The following CTNNA2 variants were observed in gnomAD, a reference collection of about 807,000 sequenced individuals.
CTNNA2 encodes the protein catenin alpha 2.
A neutral mutation model predicts 101.0 loss-of-function variants in CTNNA2; 42 were observed. The observed-to-expected ratio is 0.42, with a 90% confidence interval of 0.32 to 0.54. CTNNA2 has a LOEUF of 0.54. Among genes scored for constraint, CTNNA2 ranks in the 20% least tolerant of loss-of-function variants. The pLI is 0.14. For missense variants in CTNNA2, 871 were observed against 1,223.1 expected (o/e 0.71, Z 4.29); for synonymous variants, 450 against 456.4 (o/e 0.99, Z 0.18).
chr2:79,766,435 A>G (rs1673161929), intron 3 of CTNNA2, among the ~76,000 whole-genome samples: 1 of 151,624 alleles, frequency 6.6e-6, no homozygotes, highest in East Asian at 1.9e-4. Flanking sequence ...TGTTTCTTTT[A>G]TTTTTCTGCT....
At chr2:80,141,447 G>A (rs1197996452) in intron 7 of CTNNA2, among the ~76,000 whole-genome samples, 1 of 152,062 alleles carries the variant, frequency 6.6e-6, no homozygotes, top group Non-Finnish European at 1.5e-5. Context: ...GGGGCATATT[G>A]TGAGGGAGGG....
chr2:80,343,153 A>ACATT (rs1240379463), intron 7 of CTNNA2, among the ~76,000 whole-genome samples: 2 of 152,200 alleles, frequency 1.3e-5, no homozygotes, highest in African/African-American at 4.8e-5. Context: ...AAATGTAGTC[A>ACATT]CATTCACAGG....
intron 1 of CTNNA2, among the ~76,000 whole-genome samples, chr2:79,532,599 T>C (rs149176123): frequency 0.014 from 2,076 of 152,248 alleles, 20 homozygotes; most frequent in Middle Eastern, 0.044. Flanking sequence ...AATCTCTTTG[T>C]TTTTCTCGCT....
intron 2 of CTNNA2, among the ~76,000 whole-genome samples, chr2:79,280,685 A>AGAGAGAGAG (rs1553390858): frequency 0.058 from 5,097 of 88,126 alleles, 367 homozygotes; most frequent in East Asian, 0.13. Flanking sequence ...GAGAGAGAGA[A>AGAGAGAGAG]AGAGAGAGAG....
rs78462979 is a variant in CTNNA2 at position 80,516,670 on chromosome 2, C to A, written c.1291-28312C>A. ...CATCTTAATGCAGAGTTAGTTTATA[C>A]CCTGAGAAAACAGGATTAACCATTC... is the stretch of plus-strand genomic sequence containing the variant. On this transcript the variant is annotated intron_variant, in intron 9 of 18. Coordinates refer to ENST00000402739, the MANE Select transcript of CTNNA2 (RefSeq NM_001282597.3). 4.5e-3 allele frequency among the ~76,000 whole-genome samples: 678 copies of A among 152,276 alleles called. 5 individuals are homozygous for A. Among genetic ancestry groups the A allele is most frequent in the African/African-American group, 0.014 (590 of 41,560 alleles).
intron 7 of CTNNA2, among the ~76,000 whole-genome samples, chr2:80,058,879 T>C (rs1384676124): frequency 6.6e-6 from 1 of 152,152 alleles, no homozygotes; most frequent in African/African-American, 2.4e-5. Flanking sequence ...CACTGATAAA[T>C]GTGCCAACCA....
At chr2:80,041,092 A>ATATATATGT (rs1696022030) in intron 7 of CTNNA2, among the ~76,000 whole-genome samples, 2 of 152,080 alleles carry the variant, frequency 1.3e-5, no homozygotes, top group East Asian at 3.8e-4. Context: ...TATGTCATTA[A>ATATATATGT]CAATATAATA....
intron 12 of CTNNA2, among the ~76,000 whole-genome samples, chr2:80,562,889 A>T (rs1693728615): frequency 6.6e-6 from 1 of 152,156 alleles, no homozygotes; most frequent in African/African-American, 2.4e-5. Flanking sequence ...AGTAAGATAC[A>T]AAATTTTATT....
At chr2:79,395,656 G>A (rs937923148) in intron 4 of CTNNA2, among the ~76,000 whole-genome samples, 20 of 152,086 alleles carry the variant, frequency 1.3e-4, no homozygotes, top group Admixed American at 7.9e-4. Flanking sequence ...CCTATCTTTA[G>A]CTATGTGATT....
intron 9 of CTNNA2, among the ~76,000 whole-genome samples, chr2:80,483,382 A>ATG (rs1196844514): frequency 6.7e-6 from 1 of 148,706 alleles, no homozygotes; most frequent in Admixed American, 6.7e-5. Flanking sequence ...ATATATATAT[A>ATG]TATATTTACA....
intron 7 of CTNNA2, among the ~76,000 whole-genome samples, chr2:79,984,580 G>C (rs963430987): frequency 6.6e-6 from 1 of 152,152 alleles, no homozygotes; most frequent in Non-Finnish European, 1.5e-5. Context: ...ATGTACTTTA[G>C]GAAATGCAAC....
chr2:80,232,345 G>GTTTTTTTTTTTTTTTTT lies in CTNNA2; in HGVS notation c.1057-160839_1057-160823dup, dbSNP rs61454985. ...GTTTTGTTTGTTTGTTTGTTTGTTT[G>GTTTTTTTTTTTTTTTTT]TTTTTTTTTTTTTTTTTTTTTTTTT... On this transcript the variant is annotated intron_variant, in intron 7 of 18. Transcript: ENST00000402739. 6.5e-4 allele frequency among the ~76,000 whole-genome samples: 42 copies of GTTTTTTTTTTTTTTTTT among 64,800 alleles called. 1 individual carries two copies. The highest frequency in any genetic ancestry group is 1.3e-3 in the South Asian group (2 of 1,496). 42.5% of individuals were successfully genotyped at this position (64,800 alleles called of 152,430 possible).
chr2:80,075,635 T>A lies in CTNNA2; in HGVS notation c.1056+165838T>A, dbSNP rs1248055419. ...ATGTATAAATATAAATATTTATACA[T>A]GTATAAATATTATAAAAATAATATT... On this transcript the variant is annotated intron_variant, in intron 7 of 18. Transcript: ENST00000402739. Among the ~76,000 whole-genome samples the A allele has an allele frequency of 1.9e-3, 191 of 102,362 alleles. 13 individuals are homozygous for A. The highest frequency in any genetic ancestry group is 7.1e-3 in the African/African-American group (180 of 25,256). The allele number at this position is 102,362 out of a possible 152,430, so 67.2% of individuals were successfully genotyped here.
intron 1 of CTNNA2, among the ~76,000 whole-genome samples, chr2:79,527,274 A>G (rs931440065): frequency 6.6e-6 from 1 of 152,052 alleles, no homozygotes; most frequent in African/African-American, 2.4e-5. Flanking sequence ...GCTCAGCATC[A>G]TCAAGTGAAT....
rs745517637 is a variant in CTNNA2 at position 80,604,131 on chromosome 2, C to A, written c.2247C>A (p.Ala749=). Residue 749 remains alanine (A), a synonymous_variant, in exon 16 of 19, where the codon GCC becomes GCA. Coordinates refer to ENST00000402739, the MANE Select transcript of CTNNA2 (RefSeq NM_001282597.3). ...TCATTAATGCTGCCAAGAAAATTGCCGAAGCAGGTTCTCGAATGGACAAAT... is the reference window on the plus strand; with the variant it reads ...TCATTAATGCTGCCAAGAAAATTGCAGAAGCAGGTTCTCGAATGGACAAAT... ...SDVINAAKKI[A]EAGSRMDKLA... 2.8e-5 allele frequency: 45 copies of A among 1,612,956 alleles called. No homozygotes were observed. The highest frequency in any genetic ancestry group is 3.8e-5 in the Non-Finnish European group (45 of 1,179,442).
rs75210800 is a variant in CTNNA2 at position 79,262,285 on chromosome 2, C to G, written c.-405-50424C>G. Among the ~76,000 whole-genome samples the G allele has an allele frequency of 8.0e-3, 1,221 of 152,072 alleles. 14 individuals carry two copies. Among genetic ancestry groups the G allele is most frequent in the African/African-American group, 0.027 (1,135 of 41,482 alleles). Reference sequence around the variant, plus strand: ...TGCCATGAAAAGTGTTTTTAAAAACCCTTTAGAAAGGATTTCGTTTTGTCA... The same window carrying G: ...TGCCATGAAAAGTGTTTTTAAAAACGCTTTAGAAAGGATTTCGTTTTGTCA... On this transcript the variant is annotated intron_variant, in intron 2 of 21. Transcript: ENST00000466387.
Position 79,858,314 on chromosome 2 carries a change from C to T in CTNNA2, c.465+135C>T, listed in dbSNP as rs141418400. 5.1e-3 allele frequency: 2,475 copies of T among 489,562 alleles called. 35 individuals are homozygous for T. Among genetic ancestry groups the T allele is most frequent in the East Asian group, 0.034 (1,051 of 31,060 alleles). 30.3% of individuals were successfully genotyped at this position (489,562 alleles called of 1,614,324 possible). On this transcript the variant is annotated intron_variant, in intron 4 of 18. Transcript: ENST00000402739. ...TCATTACCTACCCATGTGGTGCCCA[C>T]GTCCAATTTTTTCTAATAATAAAAT...
chr2:80,156,739 C>T (rs772614944), intron 7 of CTNNA2, among the ~76,000 whole-genome samples: 30 of 152,336 alleles, frequency 2.0e-4, no homozygotes, highest in African/African-American at 4.1e-4. Flanking sequence ...GGGTACCACA[C>T]GCATTGCTGA....
intron 3 of CTNNA2, among the ~76,000 whole-genome samples, chr2:79,802,992 T>G (rs185101076): frequency 6.6e-6 from 1 of 152,360 alleles, no homozygotes. Flanking sequence ...AAGTTCTGTA[T>G]AAATGTAATA....
Sources: gnomAD v4.1 joint callset for allele counts (sites outside exome capture counted in the v4.1 genomes callset) on GRCh38, gnomAD v4.1.1 for gene constraint, MANE v1.5 for transcripts, NCBI Gene and HGNC (gene_info 2026-07-23, HGNC 2026-07-21) for gene names.